The following SYCP2 variants were observed in gnomAD, a reference collection of about 807,000 sequenced individuals.
SYCP2 encodes the protein synaptonemal complex protein 2.
SYCP2 carries 55 observed loss-of-function variants against 211.3 expected under a neutral mutation model. The ratio of observed to expected loss-of-function variants is 0.26; its 90% CI spans 0.21 to 0.33. The LOEUF (loss-of-function observed/expected upper bound fraction) is 0.33. SYCP2 is among the 10% of genes least tolerant of loss of function. The pLI is 1.00. For synonymous variants in SYCP2, 570 were observed against 555.2 expected, an observed-to-expected ratio of 1.03 and a Z score of -0.37; for missense variants, 1,731 against 1,752.0, an observed-to-expected ratio of 0.99 and a Z score of 0.21.
intron 18 of SYCP2, among the ~76,000 whole-genome samples, chr20:59,898,006 A>T (rs1600898059): frequency 6.6e-6 from 1 of 152,302 alleles, no homozygotes; most frequent in East Asian, 1.9e-4. Context: ...TGGGAATCTG[A>T]GGCAGGAGAA....
In SYCP2 at chr20:59,880,455, T is replaced by C; in HGVS notation, c.2789A>G (p.Gln930Arg). 3 of 1,573,002 alleles carry C rather than the reference T, an allele frequency of 1.9e-6. No individual in the cohort carries two copies. The highest frequency in any genetic ancestry group is 2.6e-6 in the Non-Finnish European group (3 of 1,156,970). ...AGTATCACTAAACAGATTTTTCTTTTGATGATTTGTTATAATCTATAAAAA... is the reference window on the plus strand; with the variant it reads ...AGTATCACTAAACAGATTTTTCTTTCGATGATTTGTTATAATCTATAAAAA... Reference protein sequence around the residue: ...TKDKKIITNHQKKNLFSDTET... With the variant: ...TKDKKIITNHRKKNLFSDTET... Residue 930 changes from glutamine to arginine, a missense_variant, in exon 31 of 45, where the codon CAA becomes CGA. Coordinates refer to ENST00000357552, the MANE Select transcript of SYCP2 (RefSeq NM_014258.4).
chr20:59,920,893 C>T (rs1335646135), intron 4 of SYCP2, among the ~76,000 whole-genome samples: 1 of 151,440 alleles, frequency 6.6e-6, no homozygotes, highest in Non-Finnish European at 1.5e-5. Context: ...ATGAAAATGC[C>T]TTAAATATGA....
At chr20:59,924,255 T>C (rs2060592967) in intron 2 of SYCP2, among the ~76,000 whole-genome samples, 1 of 152,024 alleles carries the variant, frequency 6.6e-6, no homozygotes, top group African/African-American at 2.4e-5. Flanking sequence ...AAGGCCTCTT[T>C]GCCTTATCTT....
chr20:59,914,099 T>A lies in SYCP2; in HGVS notation c.777+10A>T. 1 of 1,590,084 alleles carries A rather than the reference T, an allele frequency of 6.3e-7. No homozygotes were observed. The highest frequency in any genetic ancestry group is 1.4e-5 in the African/African-American group (1 of 73,924). On this transcript the variant is annotated intron_variant, in intron 11 of 44. Transcript: ENST00000357552. ...AATTCACGAATTTCTGTTATTGTTA[T>A]ACAACTTACTGTTTCAAATTCAGAG... is the stretch of plus-strand genomic sequence containing the variant.
At chr20:59,912,099 T>TG (rs2060342570) in intron 13 of SYCP2, 1 of 411,104 alleles carries the variant, frequency 2.4e-6, no homozygotes, top group South Asian at 4.3e-5. Flanking sequence ...AGTACTAGTT[T>TG]GAATAGATTC....
At chr20:59,904,801 T>A (rs1255879267) in intron 15 of SYCP2, among the ~76,000 whole-genome samples, 1 of 152,276 alleles carries the variant, frequency 6.6e-6, no homozygotes, top group East Asian at 1.9e-4. Context: ...TGCCAGTATT[T>A]GCCTCTGATG....
At chr20:59,916,883 T>C in intron 7 of SYCP2, among the ~76,000 whole-genome samples, 1 of 151,996 alleles carries the variant, frequency 6.6e-6, no homozygotes, top group East Asian at 1.9e-4. Flanking sequence ...CGTGCCACTG[T>C]ACTCCAGCCT....
At chr20:59,908,953 C>G (rs1291196818) in intron 14 of SYCP2, among the ~76,000 whole-genome samples, 1 of 152,072 alleles carries the variant, frequency 6.6e-6, no homozygotes, top group African/African-American at 2.4e-5. Flanking sequence ...TTTTAACTTT[C>G]TAGGAATGCC....
chr20:59,890,397 G>C (rs145521290), intron 24 of SYCP2, among the ~76,000 whole-genome samples: 2,947 of 152,168 alleles, frequency 0.019, 41 homozygotes, highest in Middle Eastern at 0.041. Context: ...GGGGCCTGTT[G>C]GGGGGTGGAG....
chr20:59,865,287 A>G (rs2059307084), intron 44 of SYCP2, 101 bp downstream of exon 44: 2 of 918,664 alleles, frequency 2.2e-6, no homozygotes, highest in East Asian at 5.0e-5. Context: ...TTTTCTCTCA[A>G]CCCAAAAGAA....
intron 9 of SYCP2, 40 bp downstream of exon 9, chr20:59,915,425 G>A: frequency 2.3e-6 from 3 of 1,330,134 alleles, no homozygotes; most frequent in Non-Finnish European, 3.2e-6. Context: ...ACATTCTTAT[G>A]GATTTTAAGA....
chr20:59,922,061 C>T (rs1024489765), intron 3 of SYCP2, among the ~76,000 whole-genome samples: 5 of 151,582 alleles, frequency 3.3e-5, no homozygotes, highest in Non-Finnish European at 5.9e-5. Flanking sequence ...AACACTTACA[C>T]TTTACCTAAA....
intron 37 of SYCP2, 92 bp downstream of exon 37, chr20:59,868,743 C>T (rs6070982): frequency 0.028 from 36,695 of 1,287,732 alleles, 580 homozygotes; most frequent in Middle Eastern, 0.043. Flanking sequence ...AGTTGAATAA[C>T]GGTATGACTT....
intron 24 of SYCP2, among the ~76,000 whole-genome samples, chr20:59,889,215 T>C (rs775322874): frequency 1.3e-5 from 2 of 151,846 alleles, no homozygotes; most frequent in African/African-American, 2.4e-5. Context: ...GCATGAAGCC[T>C]AATGTAAACT....
At chr20:59,916,800 T>A (rs1446544990) in intron 7 of SYCP2, among the ~76,000 whole-genome samples, 1 of 152,064 alleles carries the variant, frequency 6.6e-6, no homozygotes, top group Non-Finnish European at 1.5e-5. Context: ...GCACCTGTAA[T>A]CCCAGCTACA....
In SYCP2 at chr20:59,896,467, C is replaced by G. The variant is rs201739661; in HGVS notation, c.1466G>C (p.Arg489Thr). The G allele has an allele frequency of 1.2e-6, 2 of 1,609,488 alleles. No individual in the cohort carries two copies. The highest frequency in any genetic ancestry group is 1.7e-5 in the Admixed American group (1 of 59,868). ...AAGCACTGGACTTCTCATAGTGTAT[C>G]TATCTGCACCAGAAACAATCATTGA... ...EASMIVSGAD[R>T]YTMRSPVLFS... is the part of the protein sequence containing the mutation. The change falls in exon 19 of 45, where the codon AGA becomes ACA. Residue 489 changes from arginine (R) to threonine (T), a missense_variant. This residue lies in a region of SYCP2 where 1,387 missense variants were observed against 1,351.3 expected (regional missense o/e 1.03). Coordinates refer to ENST00000357552, the MANE Select transcript of SYCP2 (RefSeq NM_014258.4).
At chr20:59,904,626 A>G (rs2060180427) in intron 15 of SYCP2, among the ~76,000 whole-genome samples, 1 of 152,196 alleles carries the variant, frequency 6.6e-6, no homozygotes, top group Admixed American at 6.5e-5. Flanking sequence ...TGACATCCAT[A>G]GAGGCAACAA....
At chr20:59,875,534 CA>C in intron 33 of SYCP2, 65 bp from the exon 34 acceptor site, 1 of 1,183,504 alleles carries the variant, frequency 8.4e-7, no homozygotes, top group Non-Finnish European at 1.2e-6. Context: ...ACACATAAAA[CA>C]AATTATATTC....
intron 36 of SYCP2, among the ~76,000 whole-genome samples, chr20:59,869,158 T>C (rs1197266688): frequency 6.6e-6 from 1 of 151,730 alleles, no homozygotes; most frequent in Non-Finnish European, 1.5e-5. Flanking sequence ...TTTCTATTCC[T>C]GCTTTTCATT....
Sources: gnomAD v4.1 joint callset for allele counts (sites outside exome capture counted in the v4.1 genomes callset) on GRCh38, gnomAD v4.1.1 for gene constraint, gnomAD v4.1.1 regional missense constraint, MANE v1.5 for transcripts, NCBI Gene and HGNC (gene_info 2026-07-23, HGNC 2026-07-21) for gene names.